The following PARD3 variants were observed in gnomAD, a reference collection of about 807,000 sequenced individuals.
PARD3 encodes partitioning defective 3 homolog.
In PARD3, 75 loss-of-function variants were observed where a neutral mutation model predicts 155.4. The ratio of observed to expected loss-of-function variants is 0.48; its 90% CI spans 0.40 to 0.58. PARD3 has a LOEUF of 0.58. PARD3 is among the 20% of genes least tolerant of loss of function. PARD3 has a pLI of 0.00. For missense variants in PARD3, 1,642 were observed against 1,721.7 expected (o/e 0.95, Z 0.82); for synonymous variants, 576 against 610.5 (o/e 0.94, Z 0.83).
intron 16 of PARD3, among the ~76,000 whole-genome samples, chr10:34,338,726 T>C (rs1265681811): frequency 1.3e-5 from 2 of 152,206 alleles, no homozygotes; most frequent in Non-Finnish European, 2.9e-5. Context: ...TGGTAAAAGT[T>C]TGAAAAGTAA....
chr10:34,802,834 G>C (rs1010536017), intron 1 of PARD3, among the ~76,000 whole-genome samples: 4 of 152,104 alleles, frequency 2.6e-5, no homozygotes, highest in African/African-American at 9.7e-5. Context: ...CAAAGGGACA[G>C]TACGGCTAAC....
At chr10:34,270,192 G>C (rs966549021) in intron 21 of PARD3, among the ~76,000 whole-genome samples, 1 of 150,734 alleles carries the variant, frequency 6.6e-6, no homozygotes, top group Non-Finnish European at 1.5e-5. Flanking sequence ...CCAGGCTGGA[G>C]GGCAGTGGCA....
chr10:34,790,167 T>C (rs1406635159), intron 1 of PARD3, among the ~76,000 whole-genome samples: 5 of 152,210 alleles, frequency 3.3e-5, no homozygotes, highest in Non-Finnish European at 7.3e-5. Flanking sequence ...AAGCAGTTTC[T>C]AGACTGTAAT....
intron 2 of PARD3, among the ~76,000 whole-genome samples, chr10:34,563,405 T>A (rs1000131379): frequency 2.0e-5 from 3 of 152,120 alleles, no homozygotes; most frequent in Admixed American, 1.3e-4. Flanking sequence ...TCTCGCACTC[T>A]CACCAGGCTG....
intron 1 of PARD3, among the ~76,000 whole-genome samples, chr10:34,783,604 CAAAAAAAAAAAAAAAAAAA>C (rs35411933): frequency 1.3e-5 from 1 of 76,248 alleles, no homozygotes; most frequent in Non-Finnish European, 2.4e-5. Flanking sequence ...ACTCCGTCTT[CAAAAAAAAAAAAAAAAAAA>C]AAAAAAGAAT....
At position 34,613,368 on chromosome 10, in the gene PARD3, A is replaced by G. The variant is rs182499357; in HGVS notation, c.222+82950T>C. The stretch of plus-strand genomic sequence containing the variant: ...GAATTACAAAGATATATAAAAAGAA[A>G]GCAGCCCCAAAACACTTTTATGGCT... On this transcript the variant is annotated intron_variant, in intron 2 of 24. Coordinates refer to ENST00000374788, the MANE Select transcript of PARD3 (RefSeq NM_001184785.2). Among the ~76,000 whole-genome samples, 263 of 152,336 alleles carry G rather than the reference A, an allele frequency of 1.7e-3. 1 individual carries two copies. The highest frequency in any genetic ancestry group is 0.015 in the Admixed American group (226 of 15,302).
intron 20 of PARD3, among the ~76,000 whole-genome samples, chr10:34,307,858 T>C (rs1053056298): frequency 6.6e-6 from 1 of 152,180 alleles, no homozygotes; most frequent in African/African-American, 2.4e-5. Context: ...TGTCAATGTA[T>C]ATTTACATCA....
intron 2 of PARD3, among the ~76,000 whole-genome samples, chr10:34,686,440 A>C (rs2093954886): frequency 6.6e-6 from 1 of 151,846 alleles, no homozygotes; most frequent in African/African-American, 2.4e-5. Context: ...CTCCCTTAAA[A>C]AAAAAAAAAA....
chr10:34,165,796 G>A (rs1015686413), intron 22 of PARD3, among the ~76,000 whole-genome samples: 4 of 152,050 alleles, frequency 2.6e-5, no homozygotes, highest in African/African-American at 4.8e-5. Flanking sequence ...TGTTTGTTCC[G>A]TTCTCATTCA....
chr10:34,705,683 C>T (rs1211950160), intron 1 of PARD3, among the ~76,000 whole-genome samples: 1 of 152,060 alleles, frequency 6.6e-6, no homozygotes, highest in African/African-American at 2.4e-5. Flanking sequence ...AAGGGAGGGA[C>T]TAATATCTCA....
chr10:34,577,536 G>A (rs1159306362), intron 2 of PARD3, among the ~76,000 whole-genome samples: 5 of 152,216 alleles, frequency 3.3e-5, no homozygotes, highest in Non-Finnish European at 7.3e-5. Context: ...ACACAGCATA[G>A]CAGAATGAAT....
At chr10:34,428,738 G>A (rs2075751260) in intron 5 of PARD3, among the ~76,000 whole-genome samples, 1 of 152,092 alleles carries the variant, frequency 6.6e-6, no homozygotes, top group Non-Finnish European at 1.5e-5. Flanking sequence ...TCAAATCACT[G>A]GTGGGGTGAG....
At chr10:34,604,522 T>C (rs1427844892) in intron 2 of PARD3, among the ~76,000 whole-genome samples, 2 of 151,364 alleles carry the variant, frequency 1.3e-5, no homozygotes, top group Non-Finnish European at 2.9e-5. Context: ...TGGCCTATTA[T>C]GGGACTTTGT....
chr10:34,504,975 T>C (rs1469596784), intron 3 of PARD3, among the ~76,000 whole-genome samples: 1 of 152,226 alleles, frequency 6.6e-6, no homozygotes, highest in Non-Finnish European at 1.5e-5. Context: ...TATGGGTCTC[T>C]GTGTGACATG....
At chr10:34,735,210 T>C (rs1220877905) in intron 1 of PARD3, among the ~76,000 whole-genome samples, 1 of 152,188 alleles carries the variant, frequency 6.6e-6, no homozygotes, top group African/African-American at 2.4e-5. Context: ...TAGGGCAATT[T>C]GTCAATAATA....
intron 2 of PARD3, among the ~76,000 whole-genome samples, chr10:34,674,804 T>C (rs1260845919): frequency 6.6e-6 from 1 of 152,114 alleles, no homozygotes; most frequent in East Asian, 1.9e-4. Flanking sequence ...TTGAATTCTT[T>C]CCTGAGCAAA....
chr10:34,774,105 G>A (rs1839241908), intron 1 of PARD3, among the ~76,000 whole-genome samples: 1 of 152,134 alleles, frequency 6.6e-6, no homozygotes, highest in African/African-American at 2.4e-5. Flanking sequence ...CGTAAACAGA[G>A]GGGAGAAAAT....
rs1840516700 is a variant in PARD3, at chr10:34,370,810, GT to G, written c.1707+1687del. On this transcript the variant is annotated intron_variant, in intron 12 of 24. Coordinates refer to ENST00000374788, the MANE Select transcript of PARD3 (RefSeq NM_001184785.2). ...TTCATGGTACAGATACAAATGGGGTGTGTGTGTGTGTGTGTGTGTGTGTGTG... is the reference window on the plus strand; with the variant it reads ...TTCATGGTACAGATACAAATGGGGTGGTGTGTGTGTGTGTGTGTGTGTGTG... 6.2e-3 allele frequency among the ~76,000 whole-genome samples: 70 copies of G among 11,356 alleles called. 1 individual carries two copies. In the East Asian group the frequency reaches 0.14, roughly 23 times the overall value. 7.4% of individuals were successfully genotyped at this position (11,356 alleles called of 152,430 possible).
At chr10:34,320,437 G>T (rs1435061605) in intron 19 of PARD3, among the ~76,000 whole-genome samples, 1 of 152,162 alleles carries the variant, frequency 6.6e-6, no homozygotes, top group Non-Finnish European at 1.5e-5. Context: ...AAATGTAAAT[G>T]ATTTAGTCTT....
Sources: gnomAD v4.1 joint callset for allele counts (sites outside exome capture counted in the v4.1 genomes callset) on GRCh38, gnomAD v4.1.1 for gene constraint, MANE v1.5 for transcripts, NCBI Gene and HGNC (gene_info 2026-07-23, HGNC 2026-07-21) for gene names.